FAM107B: variants seen among roughly 807,000 people sequenced by gnomAD.
FAM107B encodes the protein protein FAM107B.
A neutral mutation model predicts 31.5 loss-of-function variants in FAM107B; 21 were observed. The ratio of observed to expected loss-of-function variants is 0.67; its 90% CI spans 0.47 to 0.96. FAM107B has a LOEUF of 0.96. Among genes scored for constraint, FAM107B ranks in the 40% least tolerant of loss-of-function variants. FAM107B has a pLI of 0.00. For synonymous variants in FAM107B, 157 were observed against 141.5 expected, an observed-to-expected ratio of 1.11 and a Z score of -0.78; for missense variants, 452 against 377.1, an observed-to-expected ratio of 1.20 and a Z score of -1.64.
At chr10:14,696,120 C>A (rs11596567) in intron 1 of FAM107B, among the ~76,000 whole-genome samples, 1 of 151,848 alleles carries the variant, frequency 6.6e-6, no homozygotes, top group African/African-American at 2.4e-5. Flanking sequence ...TGGGTTTTTC[C>A]TAGATGGCCT....
intron 3 of FAM107B, among the ~76,000 whole-genome samples, chr10:14,523,727 T>C (rs937294053): frequency 2.0e-5 from 3 of 152,226 alleles, no homozygotes; most frequent in Admixed American, 2.0e-4. Flanking sequence ...ATCACATCTG[T>C]AAACCAATCC....
chr10:14,675,676 CAA>C (rs1854664979), intron 1 of FAM107B, among the ~76,000 whole-genome samples: 1 of 152,080 alleles, frequency 6.6e-6, no homozygotes, highest in African/African-American at 2.4e-5. Context: ...AGCCATATAA[CAA>C]AGAAAACATC....
intron 1 of FAM107B, among the ~76,000 whole-genome samples, chr10:14,670,681 C>T (rs1457879324): frequency 6.6e-6 from 1 of 152,170 alleles, no homozygotes; most frequent in Non-Finnish European, 1.5e-5. Flanking sequence ...CTTCTCCAAA[C>T]ATATTTATTA....
intron 1 of FAM107B, among the ~76,000 whole-genome samples, chr10:14,731,100 C>T (rs530500233): frequency 6.6e-6 from 1 of 152,168 alleles, no homozygotes; most frequent in East Asian, 1.9e-4. Flanking sequence ...TGTGTCTAAA[C>T]CAAAATCCAA....
intron 2 of FAM107B, among the ~76,000 whole-genome samples, chr10:14,569,651 C>T (rs897122788): frequency 2.6e-5 from 4 of 152,270 alleles, no homozygotes; most frequent in African/African-American, 9.6e-5. Context: ...AGGGGTGGAG[C>T]CCTCACACAG....
At chr10:14,661,314 T>C (rs923516578) in intron 2 of FAM107B, among the ~76,000 whole-genome samples, 15 of 152,246 alleles carry the variant, frequency 9.9e-5, no homozygotes, top group African/African-American at 3.6e-4. Context: ...TTAAACATTA[T>C]TTCTGGATGT....
At chr10:14,670,018 T>TA (rs373237341) in intron 1 of FAM107B, among the ~76,000 whole-genome samples, 153 of 152,220 alleles carry the variant, frequency 1.0e-3, no homozygotes, top group African/African-American at 2.9e-3. Context: ...TCTATGCATG[T>TA]AAAAAAAATC....
intron 1 of FAM107B, among the ~76,000 whole-genome samples, chr10:14,746,764 T>A (rs1588750996): frequency 6.6e-6 from 1 of 152,234 alleles, no homozygotes; most frequent in Non-Finnish European, 1.5e-5. Flanking sequence ...ATCTGATGAC[T>A]GTGTGTCTTA....
chr10:14,519,004 T>C lies in FAM107B; in HGVS notation c.*2186A>G, dbSNP rs1588445118. The C allele has an allele frequency of 6.5e-6, 1 of 152,672 alleles. No individual in the cohort carries two copies. The highest frequency in any genetic ancestry group is 1.9e-4 in the East Asian group (1 of 5,182). 9.5% of individuals were successfully genotyped at this position (152,672 alleles called of 1,614,324 possible). A position where few individuals can be genotyped will look rare whatever the true frequency, so the allele number is the denominator to read the frequency against. On this transcript the variant is annotated 3_prime_UTR_variant, in exon 5 of 5. Transcript: ENST00000181796. ...TGTGAGCCCAGCTCATCTGACAACT[T>C]CAAAGAGCTTCTCTGCCTATACATT...
At chr10:14,767,055 TAGAGAGAGAGAGAGAGAGAG>T (rs1186875187) in intron 1 of FAM107B, among the ~76,000 whole-genome samples, 1 of 18,268 alleles carries the variant, frequency 5.5e-5, no homozygotes, top group African/African-American at 1.5e-4. Context: ...TATATATATA[TAGAGAGAGAGAGAGAGAGAG>T]AGAGAGAGAG....
chr10:14,658,044 T>A (rs1326605931), intron 2 of FAM107B, among the ~76,000 whole-genome samples: 1 of 152,130 alleles, frequency 6.6e-6, no homozygotes, highest in East Asian at 1.9e-4. Context: ...ACTCCTGGGC[T>A]CAAGCAATCC....
At chr10:14,701,301 G>A (rs1855393161) in intron 1 of FAM107B, among the ~76,000 whole-genome samples, 1 of 152,092 alleles carries the variant, frequency 6.6e-6, no homozygotes, top group African/African-American at 2.4e-5. Flanking sequence ...CTGGAGTGCA[G>A]TGGTGTGATC....
At chr10:14,554,693 C>G (rs1369037102) in intron 2 of FAM107B, among the ~76,000 whole-genome samples, 2 of 152,198 alleles carry the variant, frequency 1.3e-5, no homozygotes, top group African/African-American at 4.8e-5. Flanking sequence ...CAGCACCAAG[C>G]AGCTAATAAG....
At chr10:14,608,047 A>G (rs1218079334) in intron 2 of FAM107B, among the ~76,000 whole-genome samples, 1 of 152,188 alleles carries the variant, frequency 6.6e-6, no homozygotes, top group Non-Finnish European at 1.5e-5. Flanking sequence ...ATACAAAGCA[A>G]ATCAATCTGG....
At chr10:14,559,730 C>A (rs537752021) in intron 2 of FAM107B, among the ~76,000 whole-genome samples, 14 of 120,874 alleles carry the variant, frequency 1.2e-4, no homozygotes, top group Middle Eastern at 4.0e-3. Flanking sequence ...AGCCACCGCG[C>A]CTGGCTAATT....
chr10:14,628,274 G>A (rs1207337017), intron 2 of FAM107B, among the ~76,000 whole-genome samples: 2 of 151,662 alleles, frequency 1.3e-5, no homozygotes, highest in African/African-American at 2.4e-5. Flanking sequence ...CCACCATCAC[G>A]CCCAGCTAAC....
At chr10:14,671,872 T>TAAAAAAAAAAA (rs1294969542) in intron 1 of FAM107B, among the ~76,000 whole-genome samples, 4 of 33,536 alleles carry the variant, frequency 1.2e-4, no homozygotes, top group African/African-American at 2.7e-4. Flanking sequence ...CCCTTTTATT[T>TAAAAAAAAAAA]AAAAAAAAAA....
At chr10:14,579,690 A>G (rs1442782598) in intron 2 of FAM107B, among the ~76,000 whole-genome samples, 1 of 152,238 alleles carries the variant, frequency 6.6e-6, no homozygotes, top group Non-Finnish European at 1.5e-5. Context: ...TAAGAGGAGG[A>G]TAAAACTGTT....
In FAM107B at chr10:14,628,112, G is replaced by GTTTTTTTTTTTT. The variant is rs71505033; in HGVS notation, c.469+39510_469+39521dup. The stretch of plus-strand genomic sequence containing the variant: ...TCCTTGTTTGTTTTTTGTTTTGCTG[G>GTTTTTTTTTTTT]TTTTTTTTTTTTTTTTTTTTTGAGA... On this transcript the variant is annotated intron_variant, in intron 2 of 4. Transcript: ENST00000181796. 7.3e-4 allele frequency among the ~76,000 whole-genome samples: 68 copies of GTTTTTTTTTTTT among 92,690 alleles called. 3 individuals are homozygous for GTTTTTTTTTTTT. Among genetic ancestry groups the GTTTTTTTTTTTT allele is most frequent in the East Asian group, 3.5e-3 (8 of 2,292 alleles). The allele number at this position is 92,690 out of a possible 152,430, so 60.8% of individuals were successfully genotyped here.
Sources: gnomAD v4.1 joint callset for allele counts (sites outside exome capture counted in the v4.1 genomes callset) on GRCh38, gnomAD v4.1.1 for gene constraint, MANE v1.5 for transcripts, NCBI Gene and HGNC (gene_info 2026-07-23, HGNC 2026-07-21) for gene names.